NFU1: variants seen among roughly 807,000 people sequenced by gnomAD.
The protein encoded by NFU1 is NFU1 iron-sulfur cluster scaffold.
In NFU1, 30 loss-of-function variants were observed where a neutral mutation model predicts 32.2. The ratio of observed to expected loss-of-function variants is 0.93; its 90% CI spans 0.70 to 1.26. NFU1 has a LOEUF of 1.26. Ranked by LOEUF, NFU1 falls within the 50% of genes most tolerant of loss-of-function variation. The pLI is 0.00. For synonymous variants in NFU1, 112 were observed against 104.6 expected (o/e 1.07, Z -0.43); for missense variants, 306 against 306.6 (o/e 1.00, Z 0.02).
At chr2:69,401,078 C>G (rs1245342953) in intron 6 of NFU1, among the ~76,000 whole-genome samples, 1 of 152,202 alleles carries the variant, frequency 6.6e-6, no homozygotes, top group African/African-American at 2.4e-5. Context: ...GAGACTGTCA[C>G]ATGCTGGCTT....
In NFU1 at chr2:69,400,744, C is replaced by T. The variant is rs183466569; in HGVS notation, c.546-206G>A. ...CTCTCAGGTAAAATACCAAAATTCA[C>T]TCATACAAATATTTCCTCCGCTTAC... is the stretch of plus-strand genomic sequence containing the variant. On this transcript the variant is annotated intron_variant, in intron 6 of 7. Transcript: ENST00000410022. Among the ~76,000 whole-genome samples the T allele has an allele frequency of 4.7e-3, 711 of 151,596 alleles. 10 individuals carry two copies. The highest frequency in any genetic ancestry group is 0.011 in the Admixed American group (173 of 15,228).
At chr2:69,407,674 CAA>C (rs200321994) in intron 5 of NFU1, among the ~76,000 whole-genome samples, 80 of 103,076 alleles carry the variant, frequency 7.8e-4, no homozygotes, top group Non-Finnish European at 8.7e-4. Context: ...GACTCTATCT[CAA>C]AAAAAAAAAA....
chr2:69,431,815 A>C, intron 2 of NFU1, 87 bp downstream of exon 2: 1 of 859,344 alleles, frequency 1.2e-6, no homozygotes, highest in Non-Finnish European at 2.0e-6. Flanking sequence ...AAAATATACA[A>C]ATTCTCATCT....
intron 3 of NFU1, among the ~76,000 whole-genome samples, chr2:69,422,154 G>A (rs1673267740): frequency 6.6e-6 from 1 of 152,084 alleles, no homozygotes; most frequent in East Asian, 1.9e-4. Context: ...GGTGGTGGGG[G>A]GTTCAGCAGA....
intron 4 of NFU1, among the ~76,000 whole-genome samples, chr2:69,418,921 T>C (rs987377590): frequency 2.6e-5 from 4 of 152,210 alleles, no homozygotes; most frequent in Non-Finnish European, 2.9e-5. Flanking sequence ...TTTAAAAGGA[T>C]ACATAGTTCA....
intron 5 of NFU1, among the ~76,000 whole-genome samples, chr2:69,407,116 G>C (rs1672719950): frequency 3.3e-5 from 5 of 151,998 alleles, no homozygotes; most frequent in Admixed American, 3.3e-4. Flanking sequence ...CCCAGTCTCA[G>C]GTATGTCTTT....
chr2:69,438,826 C>T (rs978513414), upstream of NFU1, among the ~76,000 whole-genome samples: 2 of 151,746 alleles, frequency 1.3e-5, no homozygotes, highest in East Asian at 1.9e-4. Flanking sequence ...CCCAATGCTG[C>T]GTACTTGCTT....
chr2:69,421,562 CTTTT>C (rs763705011), intron 3 of NFU1, among the ~76,000 whole-genome samples: 3 of 70,756 alleles, frequency 4.2e-5, no homozygotes, highest in East Asian at 4.9e-4. Context: ...ATCATTTGTG[CTTTT>C]TTTTTTTTTT....
chr2:69,436,976 T>C (rs1402304707), intron 1 of NFU1, among the ~76,000 whole-genome samples: 3 of 152,206 alleles, frequency 2.0e-5, no homozygotes, highest in Non-Finnish European at 4.4e-5. Flanking sequence ...CCCTTCTGTG[T>C]GACATTCTGA....
intron 3 of NFU1, among the ~76,000 whole-genome samples, chr2:69,421,043 A>G (rs1322921204): frequency 6.6e-6 from 1 of 152,082 alleles, no homozygotes; most frequent in Non-Finnish European, 1.5e-5. Flanking sequence ...GTCTCTACAA[A>G]AAATACCGAA....
chr2:69,434,627 A>G (rs1673766894), intron 1 of NFU1, among the ~76,000 whole-genome samples: 1 of 152,228 alleles, frequency 6.6e-6, no homozygotes, highest in Non-Finnish European at 1.5e-5. Context: ...ACTTGAAAAT[A>G]TCATCGCTAT....
chr2:69,415,271 A>G lies in NFU1; in HGVS notation c.398T>C (p.Leu133Pro), dbSNP rs770896590. ...KENEELDWNLLKPDIYATIMD... is the reference protein window; with the variant it reads ...KENEELDWNLPKPDIYATIMD... The stretch of plus-strand genomic sequence containing the variant: ...GATTGTTGCATAAATATCTGGTTTC[A>G]GTAAATTCCAGTCTAATTCTTCATT... The change falls in exon 5 of 8, where the codon CTG becomes CCG. Residue 133 changes from leucine to proline, a missense_variant. By Grantham distance (98) the Leu-to-Pro change is moderately conservative. Transcript: ENST00000410022. 5.0e-6 allele frequency: 8 copies of G among 1,609,080 alleles called. No homozygotes were observed. The highest frequency in any genetic ancestry group is 6.8e-6 in the Non-Finnish European group (8 of 1,175,766).
chr2:69,423,243 A>AGTGAGT (rs1553401078), intron 3 of NFU1, among the ~76,000 whole-genome samples: 2 of 87,992 alleles, frequency 2.3e-5, no homozygotes, highest in South Asian at 4.9e-4. Context: ...TCTCTGTGTG[A>AGTGAGT]GTGTGTGTGT....
At chr2:69,431,448 C>G (rs756080348) in intron 2 of NFU1, among the ~76,000 whole-genome samples, 30 of 151,004 alleles carry the variant, frequency 2.0e-4, no homozygotes, top group Non-Finnish European at 3.1e-4. Flanking sequence ...TGGGACTACA[C>G]GTGTGCGCCA....
At chr2:69,415,988 G>GA (rs1185862661) in intron 4 of NFU1, among the ~76,000 whole-genome samples, 4 of 117,660 alleles carry the variant, frequency 3.4e-5, no homozygotes, top group Non-Finnish European at 7.2e-5. Context: ...ATAATAAAGG[G>GA]AAAGGAAGAA....
At chr2:69,437,326 G>A (rs374536629) in intron 1 of NFU1, 35 bp downstream of exon 1, 3 of 1,592,926 alleles carry the variant, frequency 1.9e-6, no homozygotes, top group East Asian at 2.3e-5. Context: ...AAGCCCAGCG[G>A]CACACCTATT....
chr2:69,437,402 C>T lies in NFU1; in HGVS notation c.21G>A (p.Arg7=), dbSNP rs759819610. Residue 7 remains arginine, a synonymous_variant, in exon 1 of 8, where the codon CGG becomes CGA. Coordinates refer to ENST00000410022, the MANE Select transcript of NFU1 (RefSeq NM_001002755.4). ...CGGCAACAGCCGCAGCTCCCCAGCCCCGCCTGGCCGTCGCCGCCATCTTAG... is the reference window on the plus strand; with the variant it reads ...CGGCAACAGCCGCAGCTCCCCAGCCTCGCCTGGCCGTCGCCGCCATCTTAG... MAATAR[R]GWGAAAVAAG... 8 of 1,610,534 alleles carry T rather than the reference C, an allele frequency of 5.0e-6. No individual in the cohort carries two copies. In the African/African-American group the frequency reaches 6.7e-5, roughly 13 times the overall value.
At chr2:69,438,908 C>G (rs1673953129), upstream of NFU1, among the ~76,000 whole-genome samples, 1 of 122,542 alleles carries the variant, frequency 8.2e-6, no homozygotes. Context: ...CCCCACCCAC[C>G]CCCCCACACA....
chr2:69,437,401 C>A lies in NFU1; in HGVS notation c.22G>T (p.Gly8Cys), dbSNP rs776677285. MAATARR[G>C]WGAAAVAAGL... ...GCGGCAACAGCCGCAGCTCCCCAGC[C>A]CCGCCTGGCCGTCGCCGCCATCTTA... The change falls in exon 1 of 8, where the codon GGC (glycine) becomes TGC (cysteine). Residue 8 changes from glycine (G) to cysteine (C), a missense_variant. Transcript: ENST00000410022. The A allele has an allele frequency of 1.2e-6, 2 of 1,610,622 alleles. No individual in the cohort carries two copies. The highest frequency in any genetic ancestry group is 1.7e-4 in the Middle Eastern group (1 of 6,050).
Sources: allele counts gnomAD v4.1 joint callset (sites outside exome capture counted in the v4.1 genomes callset), GRCh38; gene constraint gnomAD v4.1.1; transcripts MANE v1.5; gene names NCBI Gene and HGNC (gene_info 2026-07-23, HGNC 2026-07-21).